The following RGL1 variants were observed in gnomAD, a reference collection of about 807,000 sequenced individuals.
RGL1 encodes ral guanine nucleotide dissociation stimulator-like 1.
In RGL1, 24 loss-of-function variants were observed where a neutral mutation model predicts 95.2. The ratio of observed to expected loss-of-function variants is 0.25; its 90% CI spans 0.18 to 0.35. RGL1 has a LOEUF of 0.35. Ranked by LOEUF, RGL1 falls within the 10% of genes least tolerant of loss-of-function variation. RGL1 has a pLI of 1.00. For missense variants in RGL1, 715 were observed against 936.3 expected, an observed-to-expected ratio of 0.76 and a Z score of 3.08; for synonymous variants, 329 against 344.9, an observed-to-expected ratio of 0.95 and a Z score of 0.51.
At chr1:183,896,630 T>C (rs142251743) in intron 9 of RGL1, among the ~76,000 whole-genome samples, 1 of 152,236 alleles carries the variant, frequency 6.6e-6, no homozygotes, top group East Asian at 1.9e-4. Flanking sequence ...TCAGGAAAAG[T>C]GACTAAGGAA....
rs56920504 is a variant in RGL1, at chr1:183,748,394, C to CTTTTT, written c.132+6130_132+6134dup. 9.8e-4 allele frequency among the ~76,000 whole-genome samples: 68 copies of CTTTTT among 69,720 alleles called. 16 individuals carry two copies. The highest frequency in any genetic ancestry group is 2.7e-3 in the African/African-American group (41 of 15,086). 45.7% of individuals were successfully genotyped at this position (69,720 alleles called of 152,430 possible). A position where few individuals can be genotyped will look rare whatever the true frequency, so the allele number is the denominator to read the frequency against. On this transcript the variant is annotated intron_variant, in intron 2 of 18. Coordinates refer to the RGL1 transcript ENST00000304685. ...TTTGAATTTGTTTGCTTCTCTAGTT[C>CTTTTT]TTTTTTTTTTTTTTTTTTTTTTTTT...
intron 14 of RGL1, among the ~76,000 whole-genome samples, chr1:183,911,678 GA>G (rs111553440): frequency 2.0e-5 from 3 of 152,270 alleles, no homozygotes; most frequent in Admixed American, 6.5e-5. Context: ...CAGATTGTTG[GA>G]AATAGAAGTC....
intron 1 of RGL1, among the ~76,000 whole-genome samples, chr1:183,722,769 G>C (rs1051460871): frequency 3.3e-5 from 5 of 152,138 alleles, no homozygotes; most frequent in Non-Finnish European, 7.4e-5. Context: ...CTTAGACAAA[G>C]AAAAGTTGTG....
In RGL1 at chr1:183,752,706, T is replaced by TCTCTCTCTCTCTCTCTCTC. The variant is rs58775038; in HGVS notation, c.132+10417_132+10418insCTCTCTCTCTCTCTCTCTC. ...TCTCTCTCTCTCTCTCTCTCTCTCT[T>TCTCTCTCTCTCTCTCTCTC]TCCCCTTTCCTCTCTTTGGCCTTAA... On this transcript the variant is annotated intron_variant, in intron 2 of 18. Transcript: ENST00000304685. Among the ~76,000 whole-genome samples the TCTCTCTCTCTCTCTCTCTC allele has an allele frequency of 3.9e-3, 427 of 110,118 alleles. 47 individuals are homozygous for TCTCTCTCTCTCTCTCTCTC. The highest frequency in any genetic ancestry group is 7.3e-3 in the African/African-American group (189 of 25,812). 72.2% of individuals were successfully genotyped at this position (110,118 alleles called of 152,430 possible). A position where few individuals can be genotyped will look rare whatever the true frequency, so the allele number is the denominator to read the frequency against.
At chr1:183,902,956 T>C (rs1431481237) in intron 12 of RGL1, among the ~76,000 whole-genome samples, 1 of 152,202 alleles carries the variant, frequency 6.6e-6, no homozygotes, top group Non-Finnish European at 1.5e-5. Context: ...AATAGCAGGC[T>C]TGCCACTTAA....
intron 14 of RGL1, among the ~76,000 whole-genome samples, chr1:183,911,461 A>G (rs1359501713): frequency 6.6e-6 from 1 of 152,188 alleles, no homozygotes; most frequent in African/African-American, 2.4e-5. Flanking sequence ...ATTAAAACCC[A>G]TATCACTATT....
At position 183,916,683 on chromosome 1, in the gene RGL1, C is replaced by T; in HGVS notation, c.1986C>T (p.Asn662=). ...TCAGTGTGGAAGACAATAACGGCAA[C>T]ATGTACAAGAGCATCATGGTGAGGA... ...IRISVEDNNG[N]MYKSIMLTSQ... The change falls in exon 16 of 18, where the codon AAC becomes AAT. Residue 662 remains asparagine (N), a synonymous_variant. Transcript: ENST00000360851. The T allele has an allele frequency of 6.2e-7, 1 of 1,613,060 alleles. No homozygotes were observed. The highest frequency in any genetic ancestry group is 8.5e-7 in the Non-Finnish European group (1 of 1,179,906).
At position 183,877,401 on chromosome 1, in the gene RGL1, C is replaced by T. The variant is rs114215096; in HGVS notation, c.426-3215C>T. 4.4e-3 allele frequency among the ~76,000 whole-genome samples: 671 copies of T among 152,314 alleles called. 5 individuals carry two copies. The highest frequency in any genetic ancestry group is 8.2e-3 in the Non-Finnish European group (561 of 68,020). ...TTTTCATCATTATTTTGCGATGTTG[C>T]TTTCTTTTTTGAAATCTTAAAAGTT... is the stretch of plus-strand genomic sequence containing the variant. On this transcript the variant is annotated intron_variant, in intron 4 of 17. Transcript: ENST00000360851.
In RGL1 at chr1:183,820,812, A is replaced by G. The variant is rs900377399; in HGVS notation, c.138+14327A>G. 8.5e-5 allele frequency among the ~76,000 whole-genome samples: 13 copies of G among 152,210 alleles called. 1 individual carries two copies. Among genetic ancestry groups the G allele is most frequent in the Admixed American group, 8.5e-4 (13 of 15,286 alleles). On this transcript the variant is annotated intron_variant, in intron 2 of 17. Transcript: ENST00000360851. Reference sequence around the variant, plus strand: ...ATACTGTGGGTAAAATGGGTTAAATAAAATGTATCGTTAAAATTAATTTTA... The same window carrying G: ...ATACTGTGGGTAAAATGGGTTAAATGAAATGTATCGTTAAAATTAATTTTA...
At chr1:183,749,022 G>A (rs942439817) in intron 2 of RGL1, among the ~76,000 whole-genome samples, 6 of 152,270 alleles carry the variant, frequency 3.9e-5, no homozygotes, top group African/African-American at 1.4e-4. Flanking sequence ...CATTTGCTGA[G>A]GAATGTTTTA....
At chr1:183,913,053 T>C (rs545567800) in intron 15 of RGL1, among the ~76,000 whole-genome samples, 3 of 152,052 alleles carry the variant, frequency 2.0e-5, no homozygotes, top group Admixed American at 6.5e-5. Context: ...TTCTCCCATG[T>C]TGGAAAAAAG....
chr1:183,827,119 TGCCATGTTG>T (rs1662920909), intron 2 of RGL1, among the ~76,000 whole-genome samples: 1 of 152,192 alleles, frequency 6.6e-6, no homozygotes, highest in Non-Finnish European at 1.5e-5. Flanking sequence ...GTCAGGGTTT[TGCCATGTTG>T]GCCAGGCTGG....
At chr1:183,886,021 A>G (rs1245633450) in intron 7 of RGL1, among the ~76,000 whole-genome samples, 1 of 152,138 alleles carries the variant, frequency 6.6e-6, no homozygotes, top group Admixed American at 6.5e-5. Context: ...ATATGAAAAT[A>G]TCATATTAAT....
At position 183,786,398 on chromosome 1, in the gene RGL1, TAAACAAAC is replaced by T; in HGVS notation, c.133-19970_133-19963del. Among the ~76,000 whole-genome samples, 3 of 152,294 alleles carry T rather than the reference TAAACAAAC, an allele frequency of 2.0e-5. No individual in the cohort carries two copies. The Middle Eastern group carries it at 0.01, about 518-fold the overall frequency. On this transcript the variant is annotated intron_variant, in intron 2 of 18. Coordinates refer to the RGL1 transcript ENST00000304685. ...GGGTGACAGACTAAAATCCTGTCTC[TAAACAAAC>T]AAACAACACACAAAAAAACTGCTTG...
intron 1 of RGL1, among the ~76,000 whole-genome samples, chr1:183,637,566 T>C (rs187602577): frequency 1.3e-5 from 2 of 152,348 alleles, no homozygotes; most frequent in African/African-American, 4.8e-5. Context: ...TGTGTGTATA[T>C]TTATCTATGC....
At chr1:183,685,765 A>G (rs936966483) in intron 1 of RGL1, among the ~76,000 whole-genome samples, 1 of 152,226 alleles carries the variant, frequency 6.6e-6, no homozygotes, top group African/African-American at 2.4e-5. Context: ...GTGGTAATAC[A>G]GTAATTTTGT....
chr1:183,866,841 C>G (rs1665869481), intron 4 of RGL1, among the ~76,000 whole-genome samples: 1 of 152,080 alleles, frequency 6.6e-6, no homozygotes, highest in Non-Finnish European at 1.5e-5. Flanking sequence ...TGGTCAGGAC[C>G]CTCCCAAGAG....
chr1:183,776,344 T>C (rs991883194), intron 2 of RGL1, among the ~76,000 whole-genome samples: 4 of 151,638 alleles, frequency 2.6e-5, no homozygotes, highest in Non-Finnish European at 4.4e-5. Context: ...GAGACGGGGT[T>C]TCACCGTGTT....
At chr1:183,903,054 TGTTA>T (rs1209955991) in intron 12 of RGL1, among the ~76,000 whole-genome samples, 7 of 152,216 alleles carry the variant, frequency 4.6e-5, no homozygotes, top group South Asian at 2.1e-4. Flanking sequence ...GTAATGCATA[TGTTA>T]GTTAGCCTGA....
Sources: gnomAD v4.1 joint callset for allele counts (sites outside exome capture counted in the v4.1 genomes callset) on GRCh38, gnomAD v4.1.1 for gene constraint, MANE v1.5 for transcripts, NCBI Gene and HGNC (gene_info 2026-07-23, HGNC 2026-07-21) for gene names.